Variants in DDX19B observed in about 807,000 individuals in gnomAD.
The protein encoded by DDX19B is ATP-dependent RNA helicase DDX19B.
A neutral mutation model predicts 58.1 loss-of-function variants in DDX19B; 27 were observed. The ratio of observed to expected loss-of-function variants is 0.46; its 90% CI spans 0.34 to 0.64. The LOEUF (loss-of-function observed/expected upper bound fraction) is 0.64, where lower values mean the gene tolerates loss of function less well. Ranked by LOEUF, DDX19B falls within the 30% of genes least tolerant of loss-of-function variation. The pLI, the probability that DDX19B is intolerant of heterozygous loss-of-function variation, is 0.01. For missense variants in DDX19B, 399 were observed against 596.5 expected (o/e 0.67, Z 3.45); for synonymous variants, 187 against 214.4 (o/e 0.87, Z 1.12).
intron 5 of DDX19B, among the ~76,000 whole-genome samples, chr16:70,320,999 G>A (rs1158702418): frequency 8.0e-6 from 1 of 124,852 alleles, no homozygotes; most frequent in Non-Finnish European, 1.6e-5. Flanking sequence ...TTTCGCTCTT[G>A]TTGCCCAGGC....
At chr16:70,312,076 G>A (rs746871801) in intron 1 of DDX19B, among the ~76,000 whole-genome samples, 4 of 152,160 alleles carry the variant, frequency 2.6e-5, no homozygotes, top group South Asian at 2.1e-4. Context: ...TCTTGACCTC[G>A]TGATCTGCCT....
upstream of DDX19B, among the ~76,000 whole-genome samples, chr16:70,295,307 GT>G (rs528001048): frequency 2.3e-3 from 354 of 152,130 alleles, 1 homozygote; most frequent in Non-Finnish European, 3.9e-3. Flanking sequence ...TTTTTGTTTT[GT>G]TTTGAGACAG....
intron 9 of DDX19B, 45 bp downstream of exon 9, chr16:70,330,113 C>G (rs200333329): frequency 6.2e-7 from 1 of 1,606,818 alleles, no homozygotes; most frequent in Non-Finnish European, 8.5e-7. Flanking sequence ...CCCTCTCAGC[C>G]AGCTCCCCAC....
At chr16:70,321,074 T>G (rs1385149525) in intron 5 of DDX19B, among the ~76,000 whole-genome samples, 1 of 151,362 alleles carries the variant, frequency 6.6e-6, no homozygotes, top group Non-Finnish European at 1.5e-5. Flanking sequence ...GCGATTCTCC[T>G]GCCTCCACCT....
chr16:70,300,560 G>C (rs527810473), intron 1 of DDX19B, among the ~76,000 whole-genome samples: 4 of 151,438 alleles, frequency 2.6e-5, no homozygotes, highest in African/African-American at 7.3e-5. Flanking sequence ...AGAGGGTCTT[G>C]CCCTGTCACC....
Position 70,316,012 on chromosome 16 carries a change from C to G in DDX19B, c.204C>G (p.Ser68Arg), listed in dbSNP as rs1248232814. Residue 68 changes from serine to arginine, a missense_variant, in exon 4 of 12, where the codon AGC becomes AGG. Physicochemically the swap from Ser to Arg is moderately radical, Grantham distance 110. Around this residue, in one of 4 missense-constraint regions of DDX19B, gnomAD observed 132 missense variants for 159.4 expected, o/e 0.83. Transcript: ENST00000288071. ...CCTTACTCAACAAGCTGATCAGAAG[C>G]AACCTTGTTGATAACACAAACCAAG... ...AQSLLNKLIR[S>R]NLVDNTNQVE... The G allele has an allele frequency of 6.2e-7, 1 of 1,614,036 alleles. No homozygotes were observed. Among genetic ancestry groups the G allele is most frequent in the Non-Finnish European group, 8.5e-7 (1 of 1,180,020 alleles).
Position 70,299,374 on chromosome 16 carries a change from A to T in DDX19B, c.57+20A>T, listed in dbSNP as rs752175143. On this transcript the variant is annotated intron_variant, in intron 1 of 11. Transcript: ENST00000288071. ...GAGTCGGTGAGTTGGCTTCAGCCCT[A>T]AAAGGGTCAGGGGACTAGTTCTGGT... is the stretch of plus-strand genomic sequence containing the variant. 99 of 1,599,008 alleles carry T rather than the reference A, an allele frequency of 6.2e-5. 1 individual carries two copies. The African/African-American group carries it at 1.3e-3, about 21-fold the overall frequency.
intron 5 of DDX19B, among the ~76,000 whole-genome samples, chr16:70,324,280 TTGAGCCCAGGAGGTTGAGGCTGCAG>T (rs1044362745): frequency 7.4e-5 from 11 of 148,322 alleles, no homozygotes; most frequent in African/African-American, 2.0e-4. Context: ...AGAGGATCAC[TTGAGCCCAGGAGGTTGAGGCTGCAG>T]TGAGCCAAGA....
rs749181076 is a variant in DDX19B at position 70,299,336 on chromosome 16, G to A, written c.39G>A (p.Gln13=). Residue 13 remains glutamine, a synonymous_variant, in exon 1 of 12, where the codon CAG becomes CAA. Coordinates refer to ENST00000288071, the MANE Select transcript of DDX19B (RefSeq NM_007242.7). ...TDSWALAVDE[Q]EAAAESLSNL... is the part of the protein sequence containing the mutation. ...CATGGGCCCTGGCGGTGGACGAGCA[G>A]GAAGCTGCGGCTGAGTCGGTGAGTT... 1.4e-5 allele frequency: 22 copies of A among 1,609,440 alleles called. No individual in the cohort carries two copies. Among genetic ancestry groups the A allele is most frequent in the Non-Finnish European group, 1.8e-5 (21 of 1,178,196 alleles).
chr16:70,318,684 T>C (rs954942301), intron 5 of DDX19B, among the ~76,000 whole-genome samples: 7 of 150,918 alleles, frequency 4.6e-5, no homozygotes, highest in Non-Finnish European at 8.8e-5. Flanking sequence ...TAAACCCAGC[T>C]ACTTGGGAGG....
In DDX19B at chr16:70,317,392, AC is replaced by A. The variant is rs918858759; in HGVS notation, c.297-103del. The stretch of plus-strand genomic sequence containing the variant: ...CGAGACTCTGCTCAAAAACAAACAA[AC>A]AAAAAACTATGTGTAAACAGTAAAA... On this transcript the variant is annotated intron_variant, in intron 4 of 11. Coordinates refer to ENST00000288071, the MANE Select transcript of DDX19B (RefSeq NM_007242.7). 2.4e-4 allele frequency: 207 copies of A among 858,162 alleles called. No homozygotes were observed. The Middle Eastern group carries it at 2.7e-3, about 11-fold the overall frequency. 53.2% of individuals were successfully genotyped at this position (858,162 alleles called of 1,614,324 possible).
In DDX19B at chr16:70,326,346, G is replaced by A. The variant is rs1039180189; in HGVS notation, c.607+658G>A. 1.2e-4 allele frequency among the ~76,000 whole-genome samples: 18 copies of A among 152,098 alleles called. No homozygotes were observed. In the East Asian group the frequency reaches 1.7e-3, roughly 15 times the overall value. On this transcript the variant is annotated intron_variant, in intron 7 of 11. Coordinates refer to ENST00000288071, the MANE Select transcript of DDX19B (RefSeq NM_007242.7). ...AAAAAAATTAGCCAGGCGTGGTGGC[G>A]GGCACCTGTAGTCCCAGCTACTTGC...
Position 70,299,206 on chromosome 16 carries a change from G to T in DDX19B, c.-92G>T. Reference sequence around the variant, plus strand: ...GGTCTGCAGCCTTGTAGTGGGGCTGGAGCAGAGCCTGCCGCGAACCCCCGG... The same window carrying T: ...GGTCTGCAGCCTTGTAGTGGGGCTGTAGCAGAGCCTGCCGCGAACCCCCGG... On this transcript the variant is annotated 5_prime_UTR_variant, in exon 1 of 12. Transcript: ENST00000288071. The T allele has an allele frequency of 6.9e-7, 1 of 1,440,148 alleles. No individual in the cohort carries two copies. 89.2% of individuals were successfully genotyped at this position (1,440,148 alleles called of 1,614,324 possible). A position where few individuals can be genotyped will look rare whatever the true frequency, so the allele number is the denominator to read the frequency against.
intron 1 of DDX19B, 41 bp downstream of exon 1, chr16:70,299,395 C>T: frequency 6.4e-7 from 1 of 1,559,132 alleles, no homozygotes; most frequent in Non-Finnish European, 8.7e-7. Flanking sequence ...GGGACTAGTT[C>T]TGGTCGGAGA....
upstream of DDX19B, among the ~76,000 whole-genome samples, chr16:70,293,597 A>ATTTTTTTTTTTTTTTTTTT (rs71151182): frequency 3.9e-5 from 3 of 77,020 alleles, no homozygotes; most frequent in African/African-American, 1.9e-4. Flanking sequence ...GGATGGCTGA[A>ATTTTTTTTTTTTTTTTTTT]TTTTTTTTTT....
upstream of DDX19B, among the ~76,000 whole-genome samples, chr16:70,294,148 C>T (rs1304627189): frequency 7.8e-6 from 1 of 128,574 alleles, no homozygotes; most frequent in Non-Finnish European, 1.5e-5. Flanking sequence ...GTGGCGCGAT[C>T]TCTGCACACT....
chr16:70,300,129 G>GTA (rs1415786468), intron 1 of DDX19B, among the ~76,000 whole-genome samples: 1 of 151,650 alleles, frequency 6.6e-6, no homozygotes, highest in African/African-American at 2.4e-5. Flanking sequence ...AAAATAAGTT[G>GTA]TATATACACA....
upstream of DDX19B, among the ~76,000 whole-genome samples, chr16:70,292,732 G>A (rs1961092875): frequency 1.3e-5 from 2 of 152,150 alleles, no homozygotes; most frequent in African/African-American, 4.8e-5. Context: ...ACTCCATCTT[G>A]GGGCATGAGA....
At chr16:70,315,419 T>C (rs1962332595) in intron 3 of DDX19B, among the ~76,000 whole-genome samples, 1 of 148,144 alleles carries the variant, frequency 6.8e-6, no homozygotes, top group South Asian at 2.1e-4. Context: ...TCAATATAAA[T>C]AGTCAGTAGG....
Sources: gnomAD v4.1 joint callset for allele counts (sites outside exome capture counted in the v4.1 genomes callset) on GRCh38, gnomAD v4.1.1 for gene constraint, gnomAD v4.1.1 regional missense constraint, MANE v1.5 for transcripts, NCBI Gene and HGNC (gene_info 2026-07-23, HGNC 2026-07-21) for gene names.